Variants in CSMD1 observed in about 807,000 individuals in gnomAD.
The protein encoded by CSMD1 is CUB and Sushi multiple domains 1, also known as CUB and sushi domain-containing protein 1.
A neutral mutation model predicts 417.5 loss-of-function variants in CSMD1; 213 were observed. The ratio of observed to expected loss-of-function variants is 0.51; its 90% confidence interval spans 0.46 to 0.57. The LOEUF is 0.57. Ranked by LOEUF, CSMD1 falls within the 20% of genes least tolerant of loss-of-function variation. The pLI, the probability that CSMD1 is intolerant of heterozygous loss-of-function variation, is 0.00. For synonymous variants in CSMD1, 2,862 were observed against 1,736.8 expected (o/e 1.65, Z -16.11); for missense variants, 6,923 against 4,529.7 (o/e 1.53, Z -15.17).
chr8:2,939,954 T>C (rs901750162), intron 69 of CSMD1, among the ~76,000 whole-genome samples: 2 of 152,140 alleles, frequency 1.3e-5, no homozygotes, highest in Admixed American at 1.3e-4. Flanking sequence ...AGAGTGGAAC[T>C]GGCTGCAGCT....
chr8:4,438,753 G>A (rs150088161), intron 2 of CSMD1, among the ~76,000 whole-genome samples: 2 of 152,188 alleles, frequency 1.3e-5, no homozygotes, highest in African/African-American at 4.8e-5. Flanking sequence ...TTACAAATGA[G>A]TCCAAACCAT....
chr8:4,251,222 G>A (rs1054857685), intron 3 of CSMD1, among the ~76,000 whole-genome samples: 1 of 152,110 alleles, frequency 6.6e-6, no homozygotes, highest in African/African-American at 2.4e-5. Context: ...ACCTATAACA[G>A]CTAACAATAT....
intron 12 of CSMD1, among the ~76,000 whole-genome samples, chr8:3,447,501 G>A (rs1035473141): frequency 9.9e-5 from 15 of 152,198 alleles, no homozygotes; most frequent in African/African-American, 1.4e-4. Context: ...AATGGGAAGT[G>A]CAGGCAGTGT....
At chr8:3,860,430 T>TG (rs1167625116) in intron 5 of CSMD1, among the ~76,000 whole-genome samples, 3 of 152,194 alleles carry the variant, frequency 2.0e-5, no homozygotes, top group Admixed American at 1.3e-4. Context: ...ACTAAAACAA[T>TG]AAAACTTTTT....
chr8:4,670,445 G>A (rs1445804930), intron 1 of CSMD1, among the ~76,000 whole-genome samples: 1 of 152,186 alleles, frequency 6.6e-6, no homozygotes, highest in Non-Finnish European at 1.5e-5. Context: ...GCAAACATGT[G>A]TGTCCTGTGA....
chr8:4,387,465 G>A (rs185980881), intron 3 of CSMD1, among the ~76,000 whole-genome samples: 13 of 147,010 alleles, frequency 8.8e-5, no homozygotes, highest in Non-Finnish European at 1.8e-4. Context: ...TAATCAGGAA[G>A]TTGAGTGTAC....
At chr8:4,793,578 C>G (rs1797810080) in intron 1 of CSMD1, among the ~76,000 whole-genome samples, 1 of 151,892 alleles carries the variant, frequency 6.6e-6, no homozygotes, top group Non-Finnish European at 1.5e-5. Context: ...CTGATACAAA[C>G]TTTTTAGTTT....
intron 5 of CSMD1, among the ~76,000 whole-genome samples, chr8:3,768,036 G>A (rs1584966890): frequency 6.6e-6 from 1 of 152,082 alleles, no homozygotes; most frequent in African/African-American, 2.4e-5. Context: ...ATACAAAACA[G>A]AATCAATCTT....
chr8:4,371,597 C>G (rs1008580280), intron 3 of CSMD1, among the ~76,000 whole-genome samples: 3 of 152,092 alleles, frequency 2.0e-5, no homozygotes, highest in Non-Finnish European at 4.4e-5. Context: ...ATGCTGATTT[C>G]TCTGCTTCAT....
chr8:4,312,834 A>G (rs974037723), intron 3 of CSMD1, among the ~76,000 whole-genome samples: 2 of 152,190 alleles, frequency 1.3e-5, no homozygotes, highest in East Asian at 3.9e-4. Context: ...AGATCGCGCC[A>G]GGCAAGGCGG....
chr8:3,423,637 C>T (rs772584545), intron 12 of CSMD1, among the ~76,000 whole-genome samples: 2 of 152,212 alleles, frequency 1.3e-5, no homozygotes, highest in Admixed American at 1.3e-4. Context: ...TTGTCACCAG[C>T]TGATGGGCAT....
intron 1 of CSMD1, among the ~76,000 whole-genome samples, chr8:4,904,265 G>A (rs112414861): frequency 6.6e-6 from 1 of 151,956 alleles, no homozygotes; most frequent in African/African-American, 2.4e-5. Flanking sequence ...CCTTAACTGT[G>A]GATTTTAGGA....
At chr8:4,165,909 G>GAT (rs1000946469) in intron 3 of CSMD1, among the ~76,000 whole-genome samples, 25 of 152,218 alleles carry the variant, frequency 1.6e-4, no homozygotes, top group East Asian at 9.7e-4. Context: ...CACAGTATCA[G>GAT]ATATATATAT....
chr8:3,568,475 T>C (rs1799811078), intron 10 of CSMD1, among the ~76,000 whole-genome samples: 1 of 152,196 alleles, frequency 6.6e-6, no homozygotes, highest in Non-Finnish European at 1.5e-5. Flanking sequence ...TTTGAGTTTT[T>C]TAAATCCTCA....
chr8:3,602,555 G>A (rs1318546616), intron 8 of CSMD1, among the ~76,000 whole-genome samples: 1 of 152,080 alleles, frequency 6.6e-6, no homozygotes, highest in African/African-American at 2.4e-5. Context: ...AGCCTCAAAG[G>A]TTGTTGACAC....
At chr8:4,470,833 T>G (rs1800488116) in intron 2 of CSMD1, among the ~76,000 whole-genome samples, 1 of 152,224 alleles carries the variant, frequency 6.6e-6, no homozygotes, top group Non-Finnish European at 1.5e-5. Flanking sequence ...CGATGTTGTC[T>G]CTGGGCTTCT....
intron 3 of CSMD1, among the ~76,000 whole-genome samples, chr8:4,164,229 A>G (rs1797328324): frequency 6.6e-6 from 1 of 152,198 alleles, no homozygotes; most frequent in Non-Finnish European, 1.5e-5. Context: ...TATTTGAAAT[A>G]TACAAAAGTT....
chr8:3,565,899 G>C (rs1395630525), intron 10 of CSMD1, among the ~76,000 whole-genome samples: 1 of 152,036 alleles, frequency 6.6e-6, no homozygotes, highest in Non-Finnish European at 1.5e-5. Flanking sequence ...TAAGGCTCTA[G>C]ATTTTCCTGC....
chr8:4,132,561 C>A (rs921641781), intron 3 of CSMD1, among the ~76,000 whole-genome samples: 13 of 152,216 alleles, frequency 8.5e-5, no homozygotes, highest in Admixed American at 7.9e-4. Flanking sequence ...ATAAATAAGG[C>A]CCTTTGTGCT....
Sources: gnomAD v4.1 joint callset for allele counts (sites outside exome capture counted in the v4.1 genomes callset) on GRCh38, gnomAD v4.1.1 for gene constraint, MANE v1.5 for transcripts, NCBI Gene and HGNC (gene_info 2026-07-23, HGNC 2026-07-21) for gene names.